CSMD2: variants seen among roughly 807,000 people sequenced by gnomAD.
CSMD2 encodes the protein CUB and sushi domain-containing protein 2.
A neutral mutation model predicts 398.5 loss-of-function variants in CSMD2; 130 were observed. The observed-to-expected ratio is 0.33, with a 90% confidence interval of 0.28 to 0.38. The LOEUF is 0.38. Among genes scored for constraint, CSMD2 ranks in the 10% least tolerant of loss-of-function variants. The pLI is 1.00. For synonymous variants in CSMD2, 1,828 were observed against 1,908.5 expected (o/e 0.96, Z 1.10); for missense variants, 3,829 against 4,764.9 (o/e 0.80, Z 5.78).
chr1:33,955,757 C>CATCACT (rs1558156803), intron 3 of CSMD2, among the ~76,000 whole-genome samples: 18 of 151,700 alleles, frequency 1.2e-4, no homozygotes, highest in Non-Finnish European at 1.6e-4. Context: ...TCACCATCAT[C>CATCACT]ATCATCATTT....
intron 3 of CSMD2, among the ~76,000 whole-genome samples, chr1:33,976,379 C>A (rs910659802): frequency 7.2e-5 from 11 of 152,324 alleles, no homozygotes; most frequent in Middle Eastern, 3.4e-3. Flanking sequence ...GGATTCCCAG[C>A]CTAGGGTGTA....
At chr1:33,997,912 G>A (rs1473534030) in intron 3 of CSMD2, among the ~76,000 whole-genome samples, 2 of 152,178 alleles carry the variant, frequency 1.3e-5, no homozygotes, top group Non-Finnish European at 2.9e-5. Context: ...TCTGTCATCA[G>A]GGTGCAGTCC....
chr1:33,673,755 C>A (rs1644599179), intron 25 of CSMD2, among the ~76,000 whole-genome samples: 1 of 152,220 alleles, frequency 6.6e-6, no homozygotes, highest in South Asian at 2.1e-4. Flanking sequence ...AGACTAACAG[C>A]TGACCTCTCG....
intron 1 of CSMD2, among the ~76,000 whole-genome samples, chr1:34,120,010 G>A (rs543989154): frequency 1.3e-5 from 2 of 152,320 alleles, no homozygotes; most frequent in East Asian, 3.9e-4. Flanking sequence ...ACAAGAGGTA[G>A]AAACAACCTA....
intron 1 of CSMD2, among the ~76,000 whole-genome samples, chr1:34,128,553 G>A (rs1319926506): frequency 6.6e-6 from 1 of 152,174 alleles, no homozygotes; most frequent in East Asian, 1.9e-4. Flanking sequence ...TTCAGGCAGA[G>A]GCATAGACCT....
At chr1:33,717,586 C>T (rs904821029) in intron 19 of CSMD2, among the ~76,000 whole-genome samples, 2 of 151,828 alleles carry the variant, frequency 1.3e-5, no homozygotes, top group African/African-American at 4.8e-5. Flanking sequence ...TTTCTGCATG[C>T]AAGCAGTGAG....
chr1:34,004,280 C>T lies in CSMD2; in HGVS notation c.517+28314G>A, dbSNP rs181721591. On this transcript the variant is annotated intron_variant, in intron 3 of 70. Coordinates refer to ENST00000373381, the MANE Select transcript of CSMD2 (RefSeq NM_001281956.2). ...ATCCAGCTGTTCCTGAGGCCACACCCGCCACCCTTTGGATTTCCCTGGAAC... is the reference window on the plus strand; with the variant it reads ...ATCCAGCTGTTCCTGAGGCCACACCTGCCACCCTTTGGATTTCCCTGGAAC... Among the ~76,000 whole-genome samples the T allele has an allele frequency of 1.4e-4, 22 of 152,314 alleles. 1 individual carries two copies. The highest frequency in any genetic ancestry group is 4.3e-4 in the African/African-American group (18 of 41,566).
intron 37 of CSMD2, among the ~76,000 whole-genome samples, chr1:33,620,969 A>T (rs1641734817): frequency 6.6e-6 from 1 of 152,176 alleles, no homozygotes; most frequent in Admixed American, 6.5e-5. Context: ...CCAATCAGAC[A>T]TCTAGCACCC....
Position 34,071,420 on chromosome 1 carries a change from A to G in CSMD2, c.404+17557T>C, listed in dbSNP as rs139022289. ...GAGGTCTAAGTTTACATAAAAGTTT[A>G]TTTCTCACTTATGTAAAATTCAATC... On this transcript the variant is annotated intron_variant, in intron 2 of 70. Coordinates refer to ENST00000373381, the MANE Select transcript of CSMD2 (RefSeq NM_001281956.2). Among the ~76,000 whole-genome samples the G allele has an allele frequency of 1.9e-4, 29 of 152,346 alleles. No homozygotes were observed. In the East Asian group the frequency reaches 4.8e-3, roughly 25 times the overall value.
intron 3 of CSMD2, among the ~76,000 whole-genome samples, chr1:34,019,342 C>T (rs1436149772): frequency 6.6e-6 from 1 of 152,210 alleles, no homozygotes; most frequent in African/African-American, 2.4e-5. Flanking sequence ...GAACATTCAT[C>T]TATTCAGCAA....
intron 3 of CSMD2, among the ~76,000 whole-genome samples, chr1:33,994,245 G>C (rs1250912684): frequency 1.3e-5 from 2 of 152,178 alleles, no homozygotes; most frequent in East Asian, 3.9e-4. Flanking sequence ...ATTGGATCCA[G>C]CGGGGTATGC....
In CSMD2 at chr1:33,794,142, C is replaced by A. The variant is rs1246897030; in HGVS notation, c.1447-1616G>T. On this transcript the variant is annotated intron_variant, in intron 10 of 70. Coordinates refer to ENST00000373381, the MANE Select transcript of CSMD2 (RefSeq NM_001281956.2). Reference sequence around the variant, plus strand: ...CAAACCGTTCAGCACCCACATCCTGCCAGGGACCCTGCAGAGCCTTACCCC... The same window carrying A: ...CAAACCGTTCAGCACCCACATCCTGACAGGGACCCTGCAGAGCCTTACCCC... Among the ~76,000 whole-genome samples the A allele has an allele frequency of 2.0e-5, 3 of 152,324 alleles. 1 individual carries two copies. The East Asian group carries it at 5.8e-4, about 29-fold the overall frequency.
chr1:34,128,820 AG>A (rs1418231527), intron 1 of CSMD2, among the ~76,000 whole-genome samples: 1 of 152,110 alleles, frequency 6.6e-6, no homozygotes, highest in Non-Finnish European at 1.5e-5. Context: ...GACAGTGACT[AG>A]GGATGGGGGA....
At chr1:33,604,692 G>A (rs74708923) in intron 42 of CSMD2, among the ~76,000 whole-genome samples, 1,769 of 152,264 alleles carry the variant, frequency 0.012, 32 homozygotes, top group African/African-American at 0.04. Flanking sequence ...GTGCAGATGA[G>A]GGTGGAGGCA....
Position 33,614,786 on chromosome 1 carries a change from A to G in CSMD2, c.6017-166T>C, listed in dbSNP as rs545623683. Among the ~76,000 whole-genome samples, 6 of 152,340 alleles carry G rather than the reference A, an allele frequency of 3.9e-5. No homozygotes were observed. The South Asian group carries it at 1.2e-3, about 32-fold the overall frequency. On this transcript the variant is annotated intron_variant, in intron 39 of 70. Coordinates refer to ENST00000373381, the MANE Select transcript of CSMD2 (RefSeq NM_001281956.2). ...TCTTAAAAGACTAAGCCCACGGGCAACATTCAATATGTACATTCAGGAAGG... is the reference window on the plus strand; with the variant it reads ...TCTTAAAAGACTAAGCCCACGGGCAGCATTCAATATGTACATTCAGGAAGG...
intron 13 of CSMD2, among the ~76,000 whole-genome samples, chr1:33,756,550 C>G (rs978410940): frequency 2.0e-5 from 3 of 152,266 alleles, no homozygotes; most frequent in Admixed American, 2.0e-4. Flanking sequence ...AAGGAAGGTT[C>G]ACTGCAGGGG....
chr1:34,101,191 CT>C (rs1478795691), intron 1 of CSMD2, among the ~76,000 whole-genome samples: 3 of 152,360 alleles, frequency 2.0e-5, no homozygotes, highest in African/African-American at 7.2e-5. Context: ...GATGGGAATG[CT>C]GCTACTGACC....
At chr1:34,081,035 T>C (rs966418133) in intron 2 of CSMD2, among the ~76,000 whole-genome samples, 1 of 151,542 alleles carries the variant, frequency 6.6e-6, no homozygotes, top group Non-Finnish European at 1.5e-5. Flanking sequence ...GAAAGAAAGG[T>C]TGAGTGGGAA....
At chr1:33,942,215 G>C (rs1406605511) in intron 3 of CSMD2, among the ~76,000 whole-genome samples, 1 of 152,212 alleles carries the variant, frequency 6.6e-6, no homozygotes, top group Non-Finnish European at 1.5e-5. Context: ...CAGGGGCAGA[G>C]GCAGGTTTTC....
Sources: gnomAD v4.1 joint callset for allele counts (sites outside exome capture counted in the v4.1 genomes callset) on GRCh38, gnomAD v4.1.1 for gene constraint, MANE v1.5 for transcripts, NCBI Gene and HGNC (gene_info 2026-07-23, HGNC 2026-07-21) for gene names.